COX10: variants seen among roughly 807,000 people sequenced by gnomAD.
COX10 encodes the protein cytochrome c oxidase assembly factor heme A:farnesyltransferase COX10, also known as protoheme IX farnesyltransferase, mitochondrial.
COX10 carries 27 observed loss-of-function variants against 37.3 expected under a neutral mutation model. The ratio of observed to expected loss-of-function variants is 0.72; its 90% CI spans 0.53 to 1.00. COX10 has a LOEUF of 1.00. Among genes scored for constraint, COX10 ranks in the 50% least tolerant of loss-of-function variants. The pLI is 0.00. For missense variants in COX10, 475 were observed against 563.2 expected (o/e 0.84, Z 1.59); for synonymous variants, 222 against 229.1 (o/e 0.97, Z 0.28).
At chr17:14,077,320 T>C (rs1043750413) in intron 3 of COX10, 11 of 438,278 alleles carry the variant, frequency 2.5e-5, no homozygotes, top group African/African-American at 1.6e-4. Context: ...TTTATCCTGC[T>C]TATTTCCTTG....
chr17:14,074,460 T>C lies in COX10; in HGVS notation c.177+4T>C. On this transcript the variant is annotated splice_donor_region_variant and intron_variant, in intron 2 of 6. Transcript: ENST00000261643. ...CTTTAGCTTCCTCAAACGCATGGTA[T>C]GTTTAGAAGACCATTCTTACTCTGT... 6.2e-7 allele frequency: 1 copy of C among 1,607,952 alleles called. No individual in the cohort carries two copies. The highest frequency in any genetic ancestry group is 1.4e-5 in the African/African-American group (1 of 73,014).
chr17:14,163,721 T>C (rs1905218034), intron 5 of COX10, among the ~76,000 whole-genome samples: 1 of 152,192 alleles, frequency 6.6e-6, no homozygotes, highest in Non-Finnish European at 1.5e-5. Flanking sequence ...AATCAAAATA[T>C]AGGTAATGAT....
At chr17:14,141,147 A>G (rs1046163301) in intron 4 of COX10, among the ~76,000 whole-genome samples, 7 of 152,102 alleles carry the variant, frequency 4.6e-5, no homozygotes, top group Non-Finnish European at 1.0e-4. Flanking sequence ...TTGTATCTGA[A>G]ACCGTTCGAA....
At chr17:14,182,161 A>T (rs1905884780) in intron 5 of COX10, 1 of 980,618 alleles carries the variant, frequency 1.0e-6, no homozygotes. Flanking sequence ...GAACATCATG[A>T]TGCATGCCTA....
At chr17:14,103,971 T>G (rs1410119237) in intron 4 of COX10, among the ~76,000 whole-genome samples, 1 of 152,132 alleles carries the variant, frequency 6.6e-6, no homozygotes, top group Non-Finnish European at 1.5e-5. Flanking sequence ...CTTTCCTCCT[T>G]AGGCTGGTTT....
chr17:14,173,767 C>A (rs868251824), intron 5 of COX10, among the ~76,000 whole-genome samples: 1 of 152,128 alleles, frequency 6.6e-6, no homozygotes, highest in African/African-American at 2.4e-5. Context: ...AAATGAAATT[C>A]TTTTCACAAT....
intron 4 of COX10, among the ~76,000 whole-genome samples, chr17:14,116,839 C>G (rs563656437): frequency 6.6e-6 from 1 of 152,158 alleles, no homozygotes; most frequent in Non-Finnish European, 1.5e-5. Flanking sequence ...GCATCCTCAA[C>G]ACAACATCCA....
intron 4 of COX10, among the ~76,000 whole-genome samples, chr17:14,149,732 G>A (rs1352488270): frequency 1.3e-5 from 2 of 152,172 alleles, no homozygotes; most frequent in Admixed American, 1.3e-4. Context: ...GGAGGAGCCG[G>A]TGTCATGATG....
intron 5 of COX10, among the ~76,000 whole-genome samples, chr17:14,175,067 G>T (rs566038571): frequency 5.8e-5 from 4 of 69,446 alleles, no homozygotes; most frequent in African/African-American, 1.9e-4. Flanking sequence ...TAAGATCAGT[G>T]GTTACTGGGA....
chr17:14,086,080 T>C (rs1597494855), intron 3 of COX10, among the ~76,000 whole-genome samples: 1 of 152,208 alleles, frequency 6.6e-6, no homozygotes, highest in East Asian at 1.9e-4. Context: ...TATTCAAGAT[T>C]TGATCTCATT....
At chr17:14,117,073 G>A (rs947016223) in intron 4 of COX10, among the ~76,000 whole-genome samples, 3 of 152,074 alleles carry the variant, frequency 2.0e-5, no homozygotes, top group Admixed American at 6.5e-5. Flanking sequence ...TTCATTATTT[G>A]TATTTCCCTT....
intron 5 of COX10, among the ~76,000 whole-genome samples, chr17:14,161,107 A>G (rs1056299932): frequency 3.9e-5 from 6 of 152,210 alleles, no homozygotes; most frequent in African/African-American, 1.2e-4. Context: ...AAGCATAATC[A>G]GATAAAGGCT....
chr17:14,199,232 G>C (rs1196289882), intron 6 of COX10, among the ~76,000 whole-genome samples: 1 of 152,188 alleles, frequency 6.6e-6, no homozygotes, highest in Non-Finnish European at 1.5e-5. Flanking sequence ...AGCTGGGCCA[G>C]TGCCTTCCTG....
chr17:14,100,321 C>A (rs1305821908), intron 3 of COX10, among the ~76,000 whole-genome samples: 3 of 152,134 alleles, frequency 2.0e-5, no homozygotes, highest in African/African-American at 4.8e-5. Context: ...CAGTGATAGC[C>A]CCCCCAAATA....
intron 3 of COX10, among the ~76,000 whole-genome samples, chr17:14,101,738 G>A (rs72816633): frequency 3.9e-5 from 6 of 152,064 alleles, no homozygotes; most frequent in East Asian, 3.9e-4. Context: ...CATATCTGCC[G>A]TCTCCCTTTC....
At chr17:14,164,951 C>T (rs1377104050) in intron 5 of COX10, among the ~76,000 whole-genome samples, 1 of 152,136 alleles carries the variant, frequency 6.6e-6, no homozygotes, top group Admixed American at 6.5e-5. Context: ...ATGGGTTTGC[C>T]TAGGTCAGTC....
chr17:14,206,112 G>T (rs947004158), intron 6 of COX10, among the ~76,000 whole-genome samples: 1 of 152,146 alleles, frequency 6.6e-6, no homozygotes, highest in Non-Finnish European at 1.5e-5. Flanking sequence ...AATGTGGCAG[G>T]CTTGTGCCCT....
At chr17:14,117,707 C>T (rs911603750) in intron 4 of COX10, among the ~76,000 whole-genome samples, 4 of 152,158 alleles carry the variant, frequency 2.6e-5, no homozygotes, top group African/African-American at 7.2e-5. Context: ...GTGTTTGCAG[C>T]TCCTGAAACC....
In COX10 at chr17:14,125,046, G is replaced by C. The variant is rs1490429343; in HGVS notation, c.624+22804G>C. On this transcript the variant is annotated intron_variant, in intron 4 of 6. Coordinates refer to ENST00000261643, the MANE Select transcript of COX10 (RefSeq NM_001303.4). ...GTCACAAATTGATTTATGAGATGCT[G>C]GTTGGGTTCCTCCCCTAAAATGTGA... Among the ~76,000 whole-genome samples the C allele has an allele frequency of 2.6e-5, 4 of 152,168 alleles. No individual in the cohort carries two copies. The East Asian group carries it at 7.7e-4, about 29-fold the overall frequency.
Sources: gnomAD v4.1 joint callset for allele counts (sites outside exome capture counted in the v4.1 genomes callset) on GRCh38, gnomAD v4.1.1 for gene constraint, MANE v1.5 for transcripts, NCBI Gene and HGNC (gene_info 2026-07-23, HGNC 2026-07-21) for gene names.